KCTD10: variants seen among roughly 807,000 people sequenced by gnomAD.
KCTD10 encodes BTB/POZ domain-containing adapter for CUL3-mediated RhoA degradation protein 3.
KCTD10 carries 13 observed loss-of-function variants against 34.6 expected under a neutral mutation model. That is an observed-to-expected ratio of 0.38 (90% CI 0.24 to 0.60). The LOEUF (loss-of-function observed/expected upper bound fraction) is 0.60, where lower values mean the gene tolerates loss of function less well. KCTD10 is among the 20% of genes least tolerant of loss of function. The pLI is 0.66. For missense variants in KCTD10, 256 were observed against 420.3 expected (o/e 0.61, Z 3.42); for synonymous variants, 156 against 168.8 (o/e 0.92, Z 0.59).
At position 109,450,486 on chromosome 12, in the gene KCTD10, G is replaced by T; in HGVS notation, c.*1109C>A. The T allele has an allele frequency of 2.5e-6, 1 of 398,578 alleles. No homozygotes were observed. Among genetic ancestry groups the T allele is most frequent in the South Asian group, 1.3e-4 (1 of 7,654 alleles). 24.7% of individuals were successfully genotyped at this position (398,578 alleles called of 1,614,324 possible). On this transcript the variant is annotated 3_prime_UTR_variant, in exon 7 of 7. Transcript: ENST00000228495. ...GCACATCCTCAACCTGTTCACTGCT[G>T]GCCACTCTACACTGTGTAAAAATCA...
chr12:109,456,025 G>T, intron 6 of KCTD10, 93 bp downstream of exon 6: 1 of 1,195,736 alleles, frequency 8.4e-7, no homozygotes, highest in Non-Finnish European at 1.2e-6. Context: ...CATTTTAAAA[G>T]CATTTCCCTC....
At chr12:109,471,513 T>C in intron 1 of KCTD10, 2 of 664,430 alleles carry the variant, frequency 3.0e-6, no homozygotes, top group Non-Finnish European at 3.7e-6. Context: ...GGGTCTTTGC[T>C]GCCCGATGCC....
At chr12:109,468,360 A>T (rs1873695416) in intron 2 of KCTD10, among the ~76,000 whole-genome samples, 1 of 152,094 alleles carries the variant, frequency 6.6e-6, no homozygotes, top group South Asian at 2.1e-4. Flanking sequence ...CCACCCGCTT[A>T]TGTGAAAACT....
rs778251130 is a variant in KCTD10 at position 109,451,593 on chromosome 12, G to C, written c.*2C>G. The C allele has an allele frequency of 6.2e-7, 1 of 1,603,650 alleles. No individual in the cohort carries two copies. Among genetic ancestry groups the C allele is most frequent in the Non-Finnish European group, 8.5e-7 (1 of 1,175,656 alleles). The stretch of plus-strand genomic sequence containing the variant: ...AGGAGGGCGGCTCGGTCTCTTGCCT[G>C]CTCACTGGTGGAGGTGGGCCCGGTC... On this transcript the variant is annotated 3_prime_UTR_variant, in exon 7 of 7. Transcript: ENST00000228495. This position sits in a 1 kb window ranked among gnomAD's most constrained non-coding sequence, Gnocchi z 5.0.
At chr12:109,473,456 G>A (rs983214532) in intron 1 of KCTD10, among the ~76,000 whole-genome samples, 16 of 152,152 alleles carry the variant, frequency 1.1e-4, no homozygotes, top group African/African-American at 2.9e-4. Flanking sequence ...GAATGCTCCC[G>A]AAGTCTCAAA....
intron 3 of KCTD10, chr12:109,459,523 A>G (rs774247674): frequency 2.6e-5 from 4 of 152,282 alleles, no homozygotes; most frequent in African/African-American, 7.2e-5. Context: ...TATAGAAGAA[A>G]GAAAATAATC....
At chr12:109,468,354 C>T (rs1282850122) in intron 2 of KCTD10, among the ~76,000 whole-genome samples, 1 of 152,128 alleles carries the variant, frequency 6.6e-6, no homozygotes, top group African/African-American at 2.4e-5. Context: ...CCAATCCCAC[C>T]CGCTTATGTG....
chr12:109,466,527 G>A (rs1219783522), intron 2 of KCTD10, among the ~76,000 whole-genome samples: 1 of 152,222 alleles, frequency 6.6e-6, no homozygotes, highest in Non-Finnish European at 1.5e-5. Flanking sequence ...TGTCGGCTGT[G>A]ACTGTGACAT....
chr12:109,458,834 C>T (rs1873165410), intron 3 of KCTD10: 1 of 152,228 alleles, frequency 6.6e-6, no homozygotes, highest in Admixed American at 6.5e-5. Flanking sequence ...ACCTGCTTCC[C>T]CCAAAATGGC....
intron 4 of KCTD10, 115 bp from the exon 5 acceptor site, chr12:109,457,797 T>C: frequency 8.3e-7 from 1 of 1,201,922 alleles, no homozygotes; most frequent in Non-Finnish European, 1.2e-6. Flanking sequence ...CAGACAAGCA[T>C]AGCTTGCTGG....
At chr12:109,470,085 G>A in intron 1 of KCTD10, 2 of 1,084,126 alleles carry the variant, frequency 1.8e-6, no homozygotes, top group South Asian at 3.1e-5. Flanking sequence ...TAACTCTTGT[G>A]TTATAAGCAC....
At chr12:109,464,768 C>T (rs1873510785) in intron 2 of KCTD10, 1 of 451,108 alleles carries the variant, frequency 2.2e-6, no homozygotes, top group Non-Finnish European at 4.4e-6. Context: ...AACAAGGTAC[C>T]ATATCATACT....
chr12:109,456,217 C>T lies in KCTD10; in HGVS notation c.624G>A (p.Gly208=). The stretch of plus-strand genomic sequence containing the variant: ...AAAAGGACCAGCAGCAGATTTCATC[C>T]CCAATAACATCCTTTATGAACAGGA... The part of the protein sequence containing the change: ...GRVLFIKDVI[G]DEICCWSFYG... The change falls in exon 6 of 7, where the codon GGG becomes GGA. Residue 208 remains glycine, a synonymous_variant. Coordinates refer to ENST00000228495, the MANE Select transcript of KCTD10 (RefSeq NM_031954.5). 6.2e-7 allele frequency: 1 copy of T among 1,614,170 alleles called. No individual in the cohort carries two copies. The highest frequency in any genetic ancestry group is 8.5e-7 in the Non-Finnish European group (1 of 1,180,030).
In KCTD10 at chr12:109,466,219, ATGC is replaced by A. The variant is rs761677759; in HGVS notation, c.217+3293_217+3295del. On this transcript the variant is annotated intron_variant, in intron 2 of 6. Coordinates refer to ENST00000228495, the MANE Select transcript of KCTD10 (RefSeq NM_031954.5). ...GCCAAGGCAGGCAGCCTCTCCCGAC[ATGC>A]TGCTAAGACCTGCTTCTCTGTAGCC... 2.6e-5 allele frequency among the ~76,000 whole-genome samples: 4 copies of A among 152,256 alleles called. No homozygotes were observed. In the South Asian group the frequency reaches 6.2e-4, roughly 24 times the overall value.
intron 2 of KCTD10, chr12:109,469,021 T>C: frequency 6.5e-6 from 1 of 153,576 alleles, no homozygotes; most frequent in South Asian, 2.0e-4. Context: ...TGTGTATATC[T>C]ATCTATCTAT....
At chr12:109,477,006 T>G (rs1874374087) in intron 1 of KCTD10, among the ~76,000 whole-genome samples, 1 of 151,998 alleles carries the variant, frequency 6.6e-6, no homozygotes. Flanking sequence ...ACGTATCTAC[T>G]CCGCAAGCCC....
intron 3 of KCTD10, 52 bp from the exon 4 acceptor site, chr12:109,458,130 T>G: frequency 6.8e-7 from 1 of 1,470,548 alleles, no homozygotes; most frequent in South Asian, 1.1e-5. Flanking sequence ...AGCACTGCAT[T>G]TTTAAAGTTG....
chr12:109,461,195 T>C (rs1873306988), intron 2 of KCTD10, among the ~76,000 whole-genome samples: 1 of 152,052 alleles, frequency 6.6e-6, no homozygotes, highest in African/African-American at 2.4e-5. Context: ...GCCTTCTGGG[T>C]AAAAAATATC....
At chr12:109,468,179 C>T (rs1024056992) in intron 2 of KCTD10, among the ~76,000 whole-genome samples, 3 of 152,134 alleles carry the variant, frequency 2.0e-5, no homozygotes, top group African/African-American at 4.8e-5. Flanking sequence ...AACCTCAGTT[C>T]GCTGCTGCCT....
Sources: gnomAD v4.1 joint callset for allele counts (sites outside exome capture counted in the v4.1 genomes callset) on GRCh38, gnomAD v4.1.1 for gene constraint, Gnocchi (gnomAD v3.1) non-coding constraint, MANE v1.5 for transcripts, NCBI Gene and HGNC (gene_info 2026-07-23, HGNC 2026-07-21) for gene names.